The following ANKHD1 variants were observed in gnomAD, a reference collection of about 807,000 sequenced individuals.
The protein encoded by ANKHD1 is ankyrin repeat and KH domain-containing protein 1.
Under a neutral mutation model 230.5 loss-of-function variants are expected in ANKHD1, and 31 were observed. The observed-to-expected ratio is 0.13, with a 90% CI of 0.10 to 0.18. The LOEUF (loss-of-function observed/expected upper bound fraction) is 0.18, where lower values mean the gene tolerates loss of function less well. Among genes scored for constraint, ANKHD1 ranks in the 10% least tolerant of loss-of-function variants. The pLI, the probability that ANKHD1 is intolerant of heterozygous loss-of-function variation, is 1.00. For missense variants in ANKHD1, 2,256 were observed against 3,071.3 expected, an observed-to-expected ratio of 0.73 and a Z score of 6.27; for synonymous variants, 1,074 against 1,117.6, an observed-to-expected ratio of 0.96 and a Z score of 0.78.
At position 140,431,239 on chromosome 5, in the gene ANKHD1, T is replaced by G. The variant is rs184753601; in HGVS notation, c.307-4865T>G. On this transcript the variant is annotated intron_variant, in intron 1 of 33. Transcript: ENST00000360839. ...TATCATTTATCTGTATGGTTTTGTA[T>G]TAACTATAACTCATTCTGGGTTTTT... Among the ~76,000 whole-genome samples the G allele has an allele frequency of 2.0e-3, 310 of 152,348 alleles. 1 individual carries two copies. The highest frequency in any genetic ancestry group is 6.8e-3 in the Middle Eastern group (2 of 294).
At chr5:140,457,563 A>G (rs1363164414) in intron 7 of ANKHD1, among the ~76,000 whole-genome samples, 2 of 152,210 alleles carry the variant, frequency 1.3e-5, no homozygotes, top group Non-Finnish European at 2.9e-5. Context: ...AGGGACATGG[A>G]TGAAGCTGGA....
chr5:140,515,875 A>G (rs966533200), intron 24 of ANKHD1, among the ~76,000 whole-genome samples: 1 of 152,246 alleles, frequency 6.6e-6, no homozygotes, highest in Non-Finnish European at 1.5e-5. Context: ...TGGAAACTCT[A>G]AAAAGCAGAG....
At chr5:140,532,221 AAAG>A (rs902006492) in intron 29 of ANKHD1, among the ~76,000 whole-genome samples, 4 of 152,032 alleles carry the variant, frequency 2.6e-5, no homozygotes, top group Non-Finnish European at 4.4e-5. Context: ...AAAAAAAAAA[AAAG>A]AAGTACTGAT....
Position 140,504,926 on chromosome 5 carries a change from C to T in ANKHD1, c.3110C>T (p.Ser1037Leu), listed in dbSNP as rs369911254. 7 of 1,614,150 alleles carry T rather than the reference C, an allele frequency of 4.3e-6. No individual in the cohort carries two copies. Among genetic ancestry groups the T allele is most frequent in the East Asian group, 2.2e-5 (1 of 44,880 alleles). ...ACTACAAGCAATGTGGCTTCCCAATCGATGCCTCCTGTGTATCCTTCAGTT... is the reference window on the plus strand; with the variant it reads ...ACTACAAGCAATGTGGCTTCCCAATTGATGCCTCCTGTGTATCCTTCAGTT... ...SQTTSNVASQ[S>L]MPPVYPSVDI... is the part of the protein sequence containing the mutation. Residue 1037 changes from serine to leucine, a missense_variant, in exon 16 of 34, where the codon TCG becomes TTG. Physicochemically the swap from Ser to Leu is moderately radical, Grantham distance 145. Around this residue, in one of 13 missense-constraint regions of ANKHD1, gnomAD observed 358 missense variants for 397.7 expected, o/e 0.90. Coordinates refer to ENST00000360839, the MANE Select transcript of ANKHD1 (RefSeq NM_017747.3).
At position 140,529,763 on chromosome 5, in the gene ANKHD1, C is replaced by T; in HGVS notation, c.6817C>T (p.Pro2273Ser). Reference protein sequence around the residue: ...PDNSKAPGFRPPSQRVSTSPV... With the variant: ...PDNSKAPGFRSPSQRVSTSPV... Reference sequence around the variant, plus strand: ...TAACTCAAAGGCACCTGGCTTCAGACCACCTTCCCAGCGAGTTTCTACTAG... The same window carrying T: ...TAACTCAAAGGCACCTGGCTTCAGATCACCTTCCCAGCGAGTTTCTACTAG... The change falls in exon 29 of 34, where the codon CCA becomes TCA. Residue 2273 changes from proline (P) to serine (S), a missense_variant. Physicochemically the swap from Pro to Ser is moderately conservative, Grantham distance 74. Coordinates refer to ENST00000360839, the MANE Select transcript of ANKHD1 (RefSeq NM_017747.3). 6.2e-7 allele frequency: 1 copy of T among 1,614,096 alleles called. No homozygotes were observed.
At chr5:140,505,504 G>A (rs573881584) in intron 17 of ANKHD1, among the ~76,000 whole-genome samples, 3 of 152,270 alleles carry the variant, frequency 2.0e-5, no homozygotes, top group Admixed American at 1.3e-4. Flanking sequence ...TTCATTATGA[G>A]TATAAACTTT....
At chr5:140,508,056 A>G (rs1221940852) in intron 20 of ANKHD1, 58 bp downstream of exon 20, 2 of 1,556,112 alleles carry the variant, frequency 1.3e-6, no homozygotes, top group Non-Finnish European at 1.7e-6. Flanking sequence ...AGAACATGGC[A>G]TTTTAACGCA....
intron 1 of ANKHD1, among the ~76,000 whole-genome samples, chr5:140,411,649 A>T (rs1183962355): frequency 1.3e-5 from 2 of 151,472 alleles, no homozygotes; most frequent in African/African-American, 4.9e-5. Flanking sequence ...CCTCCTGAGT[A>T]GCTGGGATTA....
chr5:140,535,622 C>T, intron 30 of ANKHD1, 84 bp downstream of exon 30: 1 of 1,444,412 alleles, frequency 6.9e-7, no homozygotes, highest in Non-Finnish European at 9.1e-7. Flanking sequence ...CATGTTGTAA[C>T]TTTAGTAAAC....
chr5:140,534,540 A>C (rs549854611), intron 29 of ANKHD1, among the ~76,000 whole-genome samples: 1 of 152,242 alleles, frequency 6.6e-6, no homozygotes. Context: ...CTAAAATCCA[A>C]TGAATTATAT....
chr5:140,402,615 CTG>C (rs756522465), intron 1 of ANKHD1, among the ~76,000 whole-genome samples: 5 of 152,192 alleles, frequency 3.3e-5, no homozygotes, highest in Non-Finnish European at 5.9e-5. Context: ...GCCCTTGGTA[CTG>C]AGAGAGACAA....
At position 140,528,635 on chromosome 5, in the gene ANKHD1, A is replaced by C. The variant is rs760423187; in HGVS notation, c.5689A>C (p.Asn1897His). 4 of 1,614,012 alleles carry C rather than the reference A, an allele frequency of 2.5e-6. No individual in the cohort carries two copies. Among genetic ancestry groups the C allele is most frequent in the East Asian group, 4.5e-5 (2 of 44,888 alleles). Residue 1897 changes from asparagine (N) to histidine (H), a missense_variant, in exon 29 of 34, where the codon AAT becomes CAT. By Grantham distance (68) the Asn-to-His change is moderately conservative. Transcript: ENST00000360839. ...TWGPFPVRPV[N>H]PGNTNSSPKH... ...GGGACCATTCCCAGTGAGACCTGTG[A>C]ATCCTGGCAACACAAATAGCTCTCC... is the stretch of plus-strand genomic sequence containing the variant.
chr5:140,523,983 C>T, intron 24 of ANKHD1, 83 bp from the exon 25 acceptor site: 4 of 1,461,156 alleles, frequency 2.7e-6, no homozygotes, highest in Non-Finnish European at 3.6e-6. Flanking sequence ...ATGGAAATCC[C>T]TGTGTATCAT....
chr5:140,523,707 C>T (rs909263763), intron 24 of ANKHD1, among the ~76,000 whole-genome samples: 8 of 151,806 alleles, frequency 5.3e-5, no homozygotes, highest in African/African-American at 1.9e-4. Flanking sequence ...ACTGCAAGTC[C>T]GTGCCACCAC....
intron 24 of ANKHD1, among the ~76,000 whole-genome samples, chr5:140,518,157 C>T (rs1449862189): frequency 6.6e-6 from 1 of 152,210 alleles, no homozygotes; most frequent in East Asian, 1.9e-4. Context: ...ATACTACAAA[C>T]ACCTCTACGC....
intron 1 of ANKHD1, among the ~76,000 whole-genome samples, chr5:140,403,658 G>A (rs1045640710): frequency 3.9e-5 from 6 of 152,042 alleles, no homozygotes; most frequent in Admixed American, 6.5e-5. Context: ...ATCCCAAGGG[G>A]CGGTATTTTA....
At chr5:140,498,345 T>A (rs1752126736) in intron 15 of ANKHD1, among the ~76,000 whole-genome samples, 1 of 152,232 alleles carries the variant, frequency 6.6e-6, no homozygotes, top group Non-Finnish European at 1.5e-5. Flanking sequence ...TGATCTTTAC[T>A]GAATCTTTTT....
At chr5:140,402,625 CA>C (rs1214548497) in intron 1 of ANKHD1, among the ~76,000 whole-genome samples, 2 of 152,152 alleles carry the variant, frequency 1.3e-5, no homozygotes, top group African/African-American at 2.4e-5. Context: ...CTGAGAGAGA[CA>C]AACAGAGACA....
chr5:140,526,652 G>A (rs1753619582), intron 26 of ANKHD1, among the ~76,000 whole-genome samples: 1 of 151,660 alleles, frequency 6.6e-6, no homozygotes, highest in Non-Finnish European at 1.5e-5. Flanking sequence ...ATTTTTATAG[G>A]ATTCATAGTC....
Sources: allele counts gnomAD v4.1 joint callset (sites outside exome capture counted in the v4.1 genomes callset), GRCh38; gene constraint gnomAD v4.1.1; regional missense constraint gnomAD v4.1.1; transcripts MANE v1.5; gene names NCBI Gene and HGNC (gene_info 2026-07-23, HGNC 2026-07-21).